The following ST3GAL3 variants were observed in gnomAD, a reference collection of about 807,000 sequenced individuals.
ST3GAL3 encodes ST3 beta-galactoside alpha-2,3-sialyltransferase 3.
ST3GAL3 carries 21 observed loss-of-function variants against 50.1 expected under a neutral mutation model. The observed-to-expected ratio is 0.42, with a 90% CI of 0.30 to 0.60. The LOEUF (loss-of-function observed/expected upper bound fraction) is 0.60. Ranked by LOEUF, ST3GAL3 falls within the 20% of genes least tolerant of loss-of-function variation. The probability of loss-of-function intolerance (pLI) is 0.19; values close to 1 mark genes in which losing one functional copy is unlikely to be tolerated. For synonymous variants in ST3GAL3, 183 were observed against 190.0 expected (o/e 0.96, Z 0.30); for missense variants, 353 against 489.4 (o/e 0.72, Z 2.63).
intron 11 of ST3GAL3, among the ~76,000 whole-genome samples, chr1:43,926,874 A>G (rs1244089046): frequency 6.6e-6 from 1 of 152,166 alleles, no homozygotes; most frequent in African/African-American, 2.4e-5. Context: ...TGTCAAGCAT[A>G]TTACGAGTAC....
At chr1:43,857,740 C>T (rs1241686995) in intron 5 of ST3GAL3, among the ~76,000 whole-genome samples, 1 of 151,828 alleles carries the variant, frequency 6.6e-6, no homozygotes, top group Non-Finnish European at 1.5e-5. Flanking sequence ...CTCAGCCTCC[C>T]AAGTAGCTAG....
rs61768459 is a variant in ST3GAL3, at chr1:43,825,620, T to C, written c.209+10687T>C. Among the ~76,000 whole-genome samples, 1,048 of 152,258 alleles carry C rather than the reference T, an allele frequency of 6.9e-3. 8 individuals carry two copies. Among genetic ancestry groups the C allele is most frequent in the Non-Finnish European group, 0.012 (831 of 68,012 alleles). ...CTGGAGGAATGGGCAGAGACCAAAT[T>C]ATGTGGGGTTTTAGAGATAACAAGG... is the stretch of plus-strand genomic sequence containing the variant. On this transcript the variant is annotated intron_variant, in intron 4 of 11. Transcript: ENST00000347631.
chr1:43,928,712 C>T (rs188728964), intron 11 of ST3GAL3, among the ~76,000 whole-genome samples: 31 of 152,236 alleles, frequency 2.0e-4, no homozygotes, highest in African/African-American at 7.5e-4. Context: ...AGTTCAAAAC[C>T]AGCCTGACCA....
intron 5 of ST3GAL3, among the ~76,000 whole-genome samples, chr1:43,858,984 C>T (rs1409241983): frequency 2.0e-5 from 3 of 152,188 alleles, no homozygotes; most frequent in Non-Finnish European, 1.5e-5. Flanking sequence ...AGGGAAGCCA[C>T]GGCCCTACTC....
intron 5 of ST3GAL3, among the ~76,000 whole-genome samples, chr1:43,886,419 A>G (rs1163749721): frequency 6.6e-6 from 1 of 152,206 alleles, no homozygotes; most frequent in Non-Finnish European, 1.5e-5. Context: ...GAGATGATGG[A>G]TATGCTAATT....
intron 5 of ST3GAL3, among the ~76,000 whole-genome samples, chr1:43,853,953 T>C (rs1021397049): frequency 1.3e-4 from 20 of 152,330 alleles, no homozygotes; most frequent in African/African-American, 3.6e-4. Context: ...TGTGGGCTCC[T>C]GGCCAGGATA....
At chr1:43,708,995 G>A (rs1038074903) in intron 1 of ST3GAL3, among the ~76,000 whole-genome samples, 1 of 152,202 alleles carries the variant, frequency 6.6e-6, no homozygotes, top group Admixed American at 6.5e-5. Flanking sequence ...ACTGTGATAT[G>A]GTCTCTAGAA....
intron 5 of ST3GAL3, among the ~76,000 whole-genome samples, chr1:43,860,737 G>T (rs2069701154): frequency 6.6e-6 from 1 of 152,236 alleles, no homozygotes; most frequent in African/African-American, 2.4e-5. Context: ...CCCCTGGAGT[G>T]CTAGATGCAG....
chr1:43,878,896 A>G (rs935169333), intron 5 of ST3GAL3: 1 of 386,036 alleles, frequency 2.6e-6, no homozygotes, highest in Non-Finnish European at 5.2e-6. Flanking sequence ...ACTGGGGGGC[A>G]TGACAGTGAA....
At chr1:43,871,431 T>C (rs1283661718) in intron 5 of ST3GAL3, among the ~76,000 whole-genome samples, 2 of 147,422 alleles carry the variant, frequency 1.4e-5, no homozygotes, top group African/African-American at 5.0e-5. Flanking sequence ...GAGGACGGGG[T>C]GTGAGGGAGA....
At chr1:43,927,586 T>C (rs1424152211) in intron 11 of ST3GAL3, among the ~76,000 whole-genome samples, 1 of 152,152 alleles carries the variant, frequency 6.6e-6, no homozygotes, top group African/African-American at 2.4e-5. Context: ...CCACATCTGC[T>C]TGAATCCTGG....
intron 2 of ST3GAL3, among the ~76,000 whole-genome samples, chr1:43,755,911 A>C (rs1687862807): frequency 6.6e-6 from 1 of 152,040 alleles, no homozygotes; most frequent in Non-Finnish European, 1.5e-5. Context: ...CCTGGGCAAC[A>C]TAGTGAGACA....
chr1:43,917,475 TATATATA>T (rs1168657231), intron 9 of ST3GAL3, among the ~76,000 whole-genome samples: 25 of 79,744 alleles, frequency 3.1e-4, no homozygotes, highest in African/African-American at 1.1e-3. Flanking sequence ...TAATATATAA[TATATATA>T]ATATATAATA....
intron 2 of ST3GAL3, among the ~76,000 whole-genome samples, chr1:43,761,555 G>A (rs976218939): frequency 6.6e-6 from 1 of 151,932 alleles, no homozygotes; most frequent in African/African-American, 2.4e-5. Flanking sequence ...AAAAACAAAG[G>A]AAGAAAGGAA....
At chr1:43,765,759 G>A (rs1027791583) in intron 2 of ST3GAL3, among the ~76,000 whole-genome samples, 13 of 104,694 alleles carry the variant, frequency 1.2e-4, no homozygotes, top group African/African-American at 2.7e-4. Context: ...GTGTCTGTGT[G>A]TGTGTGTGTG....
At chr1:43,806,775 G>A (rs140056230) in intron 3 of ST3GAL3, among the ~76,000 whole-genome samples, 1 of 152,240 alleles carries the variant, frequency 6.6e-6, no homozygotes, top group African/African-American at 2.4e-5. Flanking sequence ...CTGTAGCCTC[G>A]AATTTCCGGG....
intron 5 of ST3GAL3, among the ~76,000 whole-genome samples, chr1:43,866,588 TAA>T (rs368612359): frequency 2.6e-4 from 34 of 128,988 alleles, no homozygotes; most frequent in Admixed American, 3.1e-4. Flanking sequence ...TGTCTCAAGG[TAA>T]AAAAAAAAAA....
chr1:43,766,421 A>C (rs1274195044), intron 2 of ST3GAL3, among the ~76,000 whole-genome samples: 2 of 152,190 alleles, frequency 1.3e-5, no homozygotes, highest in Non-Finnish European at 2.9e-5. Flanking sequence ...AAAAAAAATA[A>C]GTAAATAAAT....
At chr1:43,736,485 G>A in intron 2 of ST3GAL3, 105 bp downstream of exon 2, 2 of 1,600,188 alleles carry the variant, frequency 1.2e-6, no homozygotes, top group South Asian at 1.1e-5. Context: ...GGCAATGAGA[G>A]TAAACTGAAC....
Sources: allele counts gnomAD v4.1 joint callset (sites outside exome capture counted in the v4.1 genomes callset), GRCh38; gene constraint gnomAD v4.1.1; transcripts MANE v1.5; gene names NCBI Gene and HGNC (gene_info 2026-07-23, HGNC 2026-07-21).